ABLIM2: variants seen among roughly 807,000 people sequenced by gnomAD.
The protein encoded by ABLIM2 is actin-binding LIM protein 2.
In ABLIM2, 53 loss-of-function variants were observed where a neutral mutation model predicts 97.7. The observed-to-expected ratio is 0.54, with a 90% CI of 0.44 to 0.68. The LOEUF (loss-of-function observed/expected upper bound fraction) is 0.68. Among genes scored for constraint, ABLIM2 ranks in the 30% least tolerant of loss-of-function variants. ABLIM2 has a pLI of 0.00. For missense variants in ABLIM2, 835 were observed against 867.2 expected, an observed-to-expected ratio of 0.96 and a Z score of 0.47; for synonymous variants, 361 against 345.8, an observed-to-expected ratio of 1.04 and a Z score of -0.49.
rs530924930 is a variant in ABLIM2 at position 8,117,895 on chromosome 4, A to G, written c.11-11258T>C. Among the ~76,000 whole-genome samples the G allele has an allele frequency of 1.1e-3, 168 of 152,232 alleles. 1 individual carries two copies. The highest frequency in any genetic ancestry group is 4.0e-3 in the African/African-American group (165 of 41,546). On this transcript the variant is annotated intron_variant, in intron 1 of 20. Transcript: ENST00000447017. ...TGGGAAGAGATGATGGGTTGTCCCC[A>G]CCCCAGTGATCAACTGTAAAGCTCA...
At chr4:8,041,696 A>AT (rs1040150091) in intron 9 of ABLIM2, among the ~76,000 whole-genome samples, 1 of 151,980 alleles carries the variant, frequency 6.6e-6, no homozygotes, top group Non-Finnish European at 1.5e-5. Flanking sequence ...AGGTTAGGAG[A>AT]TTGAGACCAT....
intron 17 of ABLIM2, among the ~76,000 whole-genome samples, chr4:7,989,900 C>T (rs937117542): frequency 6.6e-6 from 1 of 152,220 alleles, no homozygotes; most frequent in Non-Finnish European, 1.5e-5. Context: ...GGGAGAGAAG[C>T]AGCAGGCCTC....
rs1257481415 is a variant in ABLIM2, at chr4:8,124,419, C to T, written c.11-17782G>A. 6.6e-6 allele frequency among the ~76,000 whole-genome samples: 1 copy of T among 152,178 alleles called. No individual in the cohort carries two copies. Among genetic ancestry groups the T allele is most frequent in the Non-Finnish European group, 1.5e-5 (1 of 68,036 alleles). On this transcript the variant is annotated intron_variant, in intron 1 of 20. Coordinates refer to ENST00000447017, the MANE Select transcript of ABLIM2 (RefSeq NM_001130083.2). This position sits in a 1 kb window ranked among gnomAD's most constrained non-coding sequence, Gnocchi z 6.1. Reference sequence around the variant, plus strand: ...ATGCTGCATCCTTTACTGTCACTCCCGTTTTCCCTCCGCAGCCCCTGGTAA... The same window carrying T: ...ATGCTGCATCCTTTACTGTCACTCCTGTTTTCCCTCCGCAGCCCCTGGTAA...
At position 8,054,895 on chromosome 4, in the gene ABLIM2, T is replaced by A. The variant is rs1184382542; in HGVS notation, c.764-649A>T. Among the ~76,000 whole-genome samples the A allele has an allele frequency of 6.6e-6, 1 of 152,090 alleles. No individual in the cohort carries two copies. Among genetic ancestry groups the A allele is most frequent in the African/African-American group, 2.4e-5 (1 of 41,404 alleles). ...CTCAGTCTCTGTGGCTTCTTGTGTC[T>A]CAGTTTCTCTAGCTGTCAGTTCTGC... On this transcript the variant is annotated intron_variant, in intron 7 of 20. Coordinates refer to ENST00000447017, the MANE Select transcript of ABLIM2 (RefSeq NM_001130083.2). This position sits in a 1 kb window ranked among gnomAD's most constrained non-coding sequence, Gnocchi z 4.9.
Position 8,061,115 on chromosome 4 carries a change from A to G in ABLIM2, c.676-61T>C. 1 of 1,437,394 alleles carries G rather than the reference A, an allele frequency of 7.0e-7. No individual in the cohort carries two copies. The highest frequency in any genetic ancestry group is 9.6e-7 in the Non-Finnish European group (1 of 1,046,362). 89.0% of individuals were successfully genotyped at this position (1,437,394 alleles called of 1,614,324 possible). A position where few individuals can be genotyped will look rare whatever the true frequency, so the allele number is the denominator to read the frequency against. ...AAGCCAGAAAGGTCGGCTGGGTCCC[A>G]GCGCCCGGCATGGATACAGCATGCC... On this transcript the variant is annotated intron_variant, in intron 6 of 20. Coordinates refer to ENST00000447017, the MANE Select transcript of ABLIM2 (RefSeq NM_001130083.2). The surrounding 1 kb of genome is among the most constrained non-coding windows in gnomAD (Gnocchi z 4.5).
chr4:8,045,337 C>T (rs1367686024), intron 8 of ABLIM2, 96 bp from the exon 9 acceptor site: 34 of 1,117,638 alleles, frequency 3.0e-5, no homozygotes, highest in South Asian at 5.0e-5. Flanking sequence ...GCCACGCCAG[C>T]GCACTGCGGT....
At chr4:8,109,967 G>A (rs961812108) in intron 1 of ABLIM2, among the ~76,000 whole-genome samples, 36 of 152,352 alleles carry the variant, frequency 2.4e-4, no homozygotes, top group Admixed American at 1.2e-3. Context: ...CACCTCATCC[G>A]TTATTTAATA....
intron 1 of ABLIM2, among the ~76,000 whole-genome samples, chr4:8,126,180 A>G (rs1272367650): frequency 2.0e-5 from 3 of 152,154 alleles, no homozygotes; most frequent in Non-Finnish European, 4.4e-5. Context: ...TATGGACAAG[A>G]GTCCCAGTTC....
rs938742200 is a variant in ABLIM2, at chr4:8,022,251, A to G, written c.1268-1948T>C. ...GGCCAGGAAGGGCTGGTTTCTTCCT[A>G]TCTGGAATCATGGCCCCTGATCTGC... On this transcript the variant is annotated intron_variant, in intron 12 of 20. Transcript: ENST00000447017. The surrounding 1 kb of genome is among the most constrained non-coding windows in gnomAD (Gnocchi z 7.8). Among the ~76,000 whole-genome samples, 3 of 152,102 alleles carry G rather than the reference A, an allele frequency of 2.0e-5. No individual in the cohort carries two copies. Among genetic ancestry groups the G allele is most frequent in the Admixed American group, 6.5e-5 (1 of 15,284 alleles).
At chr4:8,010,459 T>C in intron 14 of ABLIM2, 2 of 985,910 alleles carry the variant, frequency 2.0e-6, no homozygotes, top group Non-Finnish European at 2.4e-6. Flanking sequence ...CGGGCCCGTC[T>C]GTCTTTTGCC....
rs1251476262 is a variant in ABLIM2 at position 8,120,003 on chromosome 4, CA to C, written c.11-13367del. Among the ~76,000 whole-genome samples, 3 of 152,182 alleles carry C rather than the reference CA, an allele frequency of 2.0e-5. No individual in the cohort carries two copies. Among genetic ancestry groups the C allele is most frequent in the Non-Finnish European group, 2.9e-5 (2 of 68,026 alleles). On this transcript the variant is annotated intron_variant, in intron 1 of 20. Transcript: ENST00000447017. This position sits in a 1 kb window ranked among gnomAD's most constrained non-coding sequence, Gnocchi z 5.6. ...TCCCTGTGATTTCCCTATTTTGAGGCAGGGGTCCATGAGGACAAAGTCACTC... is the reference window on the plus strand; with the variant it reads ...TCCCTGTGATTTCCCTATTTTGAGGCGGGGTCCATGAGGACAAAGTCACTC...
intron 1 of ABLIM2, among the ~76,000 whole-genome samples, chr4:8,114,547 C>T (rs989596449): frequency 2.6e-5 from 4 of 152,254 alleles, no homozygotes; most frequent in African/African-American, 7.2e-5. Flanking sequence ...AAAATCATGC[C>T]GGATCACAGG....
chr4:8,036,230 G>A lies in ABLIM2; in HGVS notation c.966C>T (p.Ile322=). 6.2e-7 allele frequency: 1 copy of A among 1,613,906 alleles called. No homozygotes were observed. The highest frequency in any genetic ancestry group is 8.5e-7 in the Non-Finnish European group (1 of 1,179,808). The part of the protein sequence containing the change: ...DLAALPKSKA[I]YDIDRPDMIS... ...TCATGTCGGGGCGGTCGATGTCATAGATGGCCTTACTTTTAGGAAGGGCTG... is the reference window on the plus strand; with the variant it reads ...TCATGTCGGGGCGGTCGATGTCATAAATGGCCTTACTTTTAGGAAGGGCTG... Residue 322 remains isoleucine (I), a synonymous_variant, in exon 10 of 21, where the codon ATC becomes ATT. Transcript: ENST00000447017.
chr4:8,051,078 T>C (rs542400129), intron 8 of ABLIM2, among the ~76,000 whole-genome samples: 1 of 152,342 alleles, frequency 6.6e-6, no homozygotes, highest in Admixed American at 6.5e-5. Flanking sequence ...GTGAAGCTGT[T>C]GCTGCCGCCT....
intron 20 of ABLIM2, among the ~76,000 whole-genome samples, chr4:7,979,408 C>T (rs1476160096): frequency 1.3e-5 from 2 of 152,222 alleles, no homozygotes; most frequent in African/African-American, 4.8e-5. Context: ...GCCTGTGGCC[C>T]GGCATTCTCT....
chr4:8,091,101 G>A (rs1827091108), intron 3 of ABLIM2, among the ~76,000 whole-genome samples: 1 of 150,122 alleles, frequency 6.7e-6, no homozygotes, highest in Non-Finnish European at 1.5e-5. Context: ...GGCACTGGAG[G>A]GACACTCCTC....
intron 2 of ABLIM2, among the ~76,000 whole-genome samples, chr4:8,105,698 G>A (rs965448078): frequency 6.6e-5 from 10 of 152,222 alleles, no homozygotes; most frequent in African/African-American, 2.2e-4. Context: ...GCCGCACACC[G>A]CAGCAGGGAT....
chr4:8,100,749 G>GAAAAAA (rs57318831), intron 2 of ABLIM2, among the ~76,000 whole-genome samples: 5 of 100,208 alleles, frequency 5.0e-5, no homozygotes, highest in African/African-American at 1.2e-4. Flanking sequence ...TCCATCTCAG[G>GAAAAAA]AAAAAAAAAA....
intron 1 of ABLIM2, 129 bp from the exon 2 acceptor site, chr4:8,106,766 C>G (rs556418252): frequency 8.8e-7 from 1 of 1,141,848 alleles, no homozygotes; most frequent in Non-Finnish European, 1.2e-6. Flanking sequence ...ACGAGCCGCA[C>G]GGGGCATCGG....
Sources: allele counts gnomAD v4.1 joint callset (sites outside exome capture counted in the v4.1 genomes callset), GRCh38; gene constraint gnomAD v4.1.1; non-coding constraint Gnocchi (gnomAD v3.1); transcripts MANE v1.5; gene names NCBI Gene and HGNC (gene_info 2026-07-23, HGNC 2026-07-21).